The following PTPRK variants were observed in gnomAD, a reference collection of about 807,000 sequenced individuals.
The protein encoded by PTPRK is receptor-type tyrosine-protein phosphatase kappa.
Under a neutral mutation model 178.0 loss-of-function variants are expected in PTPRK, and 75 were observed. The ratio of observed to expected loss-of-function variants is 0.42; its 90% confidence interval spans 0.35 to 0.51. The LOEUF (loss-of-function observed/expected upper bound fraction) is 0.51. PTPRK is among the 20% of genes least tolerant of loss of function. The pLI, the probability that PTPRK is intolerant of heterozygous loss-of-function variation, is 0.02. For synonymous variants in PTPRK, 637 were observed against 620.6 expected, an observed-to-expected ratio of 1.03 and a Z score of -0.39; for missense variants, 1,441 against 1,797.8, an observed-to-expected ratio of 0.80 and a Z score of 3.59.
chr6:128,193,996 T>C (rs997184788), intron 6 of PTPRK, among the ~76,000 whole-genome samples: 1 of 150,966 alleles, frequency 6.6e-6, no homozygotes, highest in African/African-American at 2.4e-5. Context: ...TGTCCAAAAC[T>C]ACTCTCTTCA....
intron 7 of PTPRK, among the ~76,000 whole-genome samples, chr6:128,135,378 C>T (rs1794879391): frequency 6.6e-6 from 1 of 152,170 alleles, no homozygotes; most frequent in Non-Finnish European, 1.5e-5. Context: ...TTTGGTAAAG[C>T]CACTGTGCCA....
chr6:128,190,030 G>T (rs527626919), intron 6 of PTPRK, among the ~76,000 whole-genome samples: 42 of 152,220 alleles, frequency 2.8e-4, no homozygotes, highest in African/African-American at 9.1e-4. Flanking sequence ...ATAGAAAGAT[G>T]ACCTTTGCTC....
intron 2 of PTPRK, among the ~76,000 whole-genome samples, chr6:128,351,144 G>A (rs1833069820): frequency 1.3e-5 from 2 of 152,180 alleles, no homozygotes; most frequent in Admixed American, 1.3e-4. Context: ...TGAAGAGCAA[G>A]GGCCTGATAA....
At chr6:128,057,799 G>A (rs1488285425) in intron 13 of PTPRK, among the ~76,000 whole-genome samples, 1 of 151,894 alleles carries the variant, frequency 6.6e-6, no homozygotes, top group East Asian at 1.9e-4. Flanking sequence ...GGGTAGTCTC[G>A]GGAACCCCTG....
chr6:128,003,509 T>C (rs1038013980), intron 15 of PTPRK, among the ~76,000 whole-genome samples: 6 of 151,846 alleles, frequency 4.0e-5, no homozygotes, highest in African/African-American at 1.4e-4. Flanking sequence ...AAAACCCATG[T>C]ATTTTAGATC....
rs1236727915 is a variant in PTPRK at position 128,323,018 on chromosome 6, C to G, written c.224-708G>C. Among the ~76,000 whole-genome samples the G allele has an allele frequency of 3.3e-5, 5 of 152,226 alleles. No individual in the cohort carries two copies. The East Asian group carries it at 7.7e-4, about 23-fold the overall frequency. ...AGGTGTCAGCTAATCACCACTGCTA[C>G]TGGCCCCAGTTCTGTAACAGTCCCT... On this transcript the variant is annotated intron_variant, in intron 2 of 29. Transcript: ENST00000368226.
intron 2 of PTPRK, among the ~76,000 whole-genome samples, chr6:128,366,030 T>G (rs2128345031): frequency 6.6e-6 from 1 of 152,266 alleles, no homozygotes; most frequent in Admixed American, 6.6e-5. Flanking sequence ...GGGAATGAAC[T>G]ATTTTAGTAG....
intron 13 of PTPRK, among the ~76,000 whole-genome samples, chr6:128,033,131 T>A (rs891895952): frequency 1.3e-5 from 2 of 152,120 alleles, no homozygotes; most frequent in African/African-American, 4.8e-5. Context: ...TATTTCTAAA[T>A]TTTTTTCTAG....
At position 128,420,186 on chromosome 6, in the gene PTPRK, G is replaced by C. The variant is rs115889021; in HGVS notation, c.101-22498C>G. On this transcript the variant is annotated intron_variant, in intron 1 of 29. Transcript: ENST00000368226. Reference sequence around the variant, plus strand: ...AAAGGAATGGAACATTGTCTTTGTCGATAGTGTGTCGAGAAAAATAGTCAT... The same window carrying C: ...AAAGGAATGGAACATTGTCTTTGTCCATAGTGTGTCGAGAAAAATAGTCAT... Among the ~76,000 whole-genome samples the C allele has an allele frequency of 3.5e-3, 533 of 152,222 alleles. 3 individuals carry two copies. Among genetic ancestry groups the C allele is most frequent in the African/African-American group, 0.012 (509 of 41,518 alleles).
intron 29 of PTPRK, 46 bp downstream of exon 29, chr6:127,972,972 GACTA>G (rs1774107930): frequency 6.4e-7 from 1 of 1,568,468 alleles, no homozygotes; most frequent in Non-Finnish European, 8.8e-7. Flanking sequence ...GTAGGTATAT[GACTA>G]ACTAATCTCT....
At chr6:128,499,184 A>G (rs1271236424) in intron 1 of PTPRK, among the ~76,000 whole-genome samples, 1 of 152,206 alleles carries the variant, frequency 6.6e-6, no homozygotes, top group Non-Finnish European at 1.5e-5. Context: ...AGCTTTATTC[A>G]CAACATCCTG....
chr6:128,464,638 C>CATATATATATATATATATATGT (rs1849547281), intron 1 of PTPRK, among the ~76,000 whole-genome samples: 1 of 48,602 alleles, frequency 2.1e-5, no homozygotes, highest in East Asian at 8.2e-4. Context: ...TATATATACA[C>CATATATATATATATATATATGT]ATATATATAT....
intron 15 of PTPRK, chr6:128,003,279 T>C (rs1583596165): frequency 6.7e-7 from 1 of 1,498,914 alleles, no homozygotes; most frequent in East Asian, 2.4e-5. Flanking sequence ...TCTAAAATTG[T>C]TTTTTAAAAT....
chr6:128,488,413 G>A (rs571596506), intron 1 of PTPRK, among the ~76,000 whole-genome samples: 11 of 152,086 alleles, frequency 7.2e-5, no homozygotes, highest in African/African-American at 1.4e-4. Flanking sequence ...ACAATACTTC[G>A]TATCCTTCAA....
chr6:128,197,958 T>C (rs1805208085), intron 6 of PTPRK, among the ~76,000 whole-genome samples: 1 of 152,068 alleles, frequency 6.6e-6, no homozygotes, highest in Admixed American at 6.6e-5. Flanking sequence ...TGCCACCATT[T>C]CCAATTTTCA....
At chr6:128,145,779 A>C (rs1796403042) in intron 7 of PTPRK, among the ~76,000 whole-genome samples, 1 of 152,162 alleles carries the variant, frequency 6.6e-6, no homozygotes, top group African/African-American at 2.4e-5. Flanking sequence ...ATTATCTTAC[A>C]ACATACGTAT....
intron 8 of PTPRK, among the ~76,000 whole-genome samples, chr6:128,089,423 C>A (rs969523627): frequency 6.6e-6 from 1 of 152,102 alleles, no homozygotes; most frequent in Non-Finnish European, 1.5e-5. Flanking sequence ...ATTTAAAAAA[C>A]CCCTTCATTT....
At chr6:127,972,824 A>G (rs561569883) in intron 29 of PTPRK, among the ~76,000 whole-genome samples, 198 bp downstream of exon 29, 2 of 151,504 alleles carry the variant, frequency 1.3e-5, no homozygotes, top group South Asian at 4.2e-4. Flanking sequence ...TTTCATGATT[A>G]GCAGTTTATG....
Position 128,519,957 on chromosome 6 carries a change from T to G in PTPRK, c.100+302A>C, listed in dbSNP as rs185346042. On this transcript the variant is annotated intron_variant, in intron 1 of 29. Coordinates refer to ENST00000368226, the MANE Select transcript of PTPRK (RefSeq NM_002844.4). The surrounding 1 kb of genome is among the most constrained non-coding windows in gnomAD (Gnocchi z 4.3). ...TCACGGGAGTCGTAACTACTTTTTC[T>G]TTCTCTCTTCCCCACTAGCCCGGCG... Among the ~76,000 whole-genome samples, 1 of 152,264 alleles carries G rather than the reference T, an allele frequency of 6.6e-6. No individual in the cohort carries two copies. The highest frequency in any genetic ancestry group is 2.4e-5 in the African/African-American group (1 of 41,568).
Sources: allele counts gnomAD v4.1 joint callset (sites outside exome capture counted in the v4.1 genomes callset), GRCh38; gene constraint gnomAD v4.1.1; non-coding constraint Gnocchi (gnomAD v3.1); transcripts MANE v1.5; gene names NCBI Gene and HGNC (gene_info 2026-07-23, HGNC 2026-07-21).